Variants in SLC44A5 observed in about 807,000 individuals in gnomAD.
The protein encoded by SLC44A5 is choline transporter-like protein 5.
SLC44A5 carries 57 observed loss-of-function variants against 101.8 expected under a neutral mutation model. The ratio of observed to expected loss-of-function variants is 0.56; its 90% CI spans 0.45 to 0.70. The LOEUF (loss-of-function observed/expected upper bound fraction) is 0.70. SLC44A5 is among the 30% of genes least tolerant of loss of function. The pLI, the probability that SLC44A5 is intolerant of heterozygous loss-of-function variation, is 0.00. For synonymous variants in SLC44A5, 281 were observed against 290.9 expected (o/e 0.97, Z 0.35); for missense variants, 737 against 853.1 (o/e 0.86, Z 1.70).
intron 2 of SLC44A5, among the ~76,000 whole-genome samples, chr1:75,533,074 C>A (rs1172769422): frequency 1.3e-5 from 2 of 152,130 alleles, no homozygotes; most frequent in Admixed American, 1.3e-4. Flanking sequence ...TTCTAAGATG[C>A]CCTTCTGCCT....
intron 1 of SLC44A5, among the ~76,000 whole-genome samples, chr1:75,589,434 C>G (rs1557939176): frequency 6.6e-6 from 1 of 152,166 alleles, no homozygotes; most frequent in Non-Finnish European, 1.5e-5. Flanking sequence ...AGCTTGCAAT[C>G]AGAAATTTGT....
rs761998717 is a variant in SLC44A5 at position 75,217,945 on chromosome 1, G to A, written c.1545C>T (p.Ser515=). 4.4e-6 allele frequency: 7 copies of A among 1,599,332 alleles called. No individual in the cohort carries two copies. Among genetic ancestry groups the A allele is most frequent in the Admixed American group, 1.7e-5 (1 of 59,836 alleles). The change falls in exon 18 of 24, where the codon TCC becomes TCT. Residue 515 remains serine (S), a synonymous_variant. Coordinates refer to ENST00000370859, the MANE Select transcript of SLC44A5 (RefSeq NM_001130058.2). Reference sequence around the variant, plus strand: ...CAATAATTAAAGATCCAAATGCTAGGGATCCTGTGTGATATCTGCACAAAA... The same window carrying A: ...CAATAATTAAAGATCCAAATGCTAGAGATCCTGTGTGATATCTGCACAAAA... ...FGRAIRYHTG[S]LAFGSLIIAL...
At chr1:75,679,159 G>A in the SLC44A5 span, among the ~76,000 whole-genome samples, 1 of 152,180 alleles carries the variant, frequency 6.6e-6, no homozygotes, top group South Asian at 2.1e-4. Flanking sequence ...AAGTGATGGG[G>A]AGAACGGAAC....
intron 2 of SLC44A5, among the ~76,000 whole-genome samples, chr1:75,410,775 C>T (rs1376586060): frequency 6.6e-6 from 1 of 152,032 alleles, no homozygotes; most frequent in East Asian, 1.9e-4. Context: ...TTGTAGAAAT[C>T]GTGCTTATTA....
intron 2 of SLC44A5, among the ~76,000 whole-genome samples, chr1:75,415,398 TCTG>T (rs1663575761): frequency 6.6e-6 from 1 of 152,242 alleles, no homozygotes; most frequent in Non-Finnish European, 1.5e-5. Flanking sequence ...TTCCTTATCT[TCTG>T]CTATGATTGT....
At chr1:75,298,545 G>T (rs901015837) in intron 5 of SLC44A5, among the ~76,000 whole-genome samples, 2 of 152,106 alleles carry the variant, frequency 1.3e-5, no homozygotes, top group African/African-American at 4.8e-5. Flanking sequence ...GTCTACGGAA[G>T]AGTGGCAGTG....
chr1:75,545,374 G>A (rs1034376020), intron 1 of SLC44A5, among the ~76,000 whole-genome samples: 1 of 152,202 alleles, frequency 6.6e-6, no homozygotes, highest in African/African-American at 2.4e-5. Flanking sequence ...TATATACCCA[G>A]TAATGGGATT....
the SLC44A5 span, among the ~76,000 whole-genome samples, chr1:75,628,046 T>G: frequency 7.9e-5 from 12 of 151,744 alleles, no homozygotes; most frequent in South Asian, 2.5e-3. Flanking sequence ...AGTCTGTGCC[T>G]TGCCTTCTAA....
chr1:75,270,890 T>C (rs1223503295), intron 6 of SLC44A5, among the ~76,000 whole-genome samples: 1 of 152,154 alleles, frequency 6.6e-6, no homozygotes, highest in African/African-American at 2.4e-5. Flanking sequence ...CATAAGTGGA[T>C]CATTGGCTTA....
chr1:75,461,902 G>T lies in SLC44A5; in HGVS notation c.14-65281C>A, dbSNP rs1181538336. Among the ~76,000 whole-genome samples the T allele has an allele frequency of 2.0e-5, 3 of 152,136 alleles. No individual in the cohort carries two copies. In the East Asian group the frequency reaches 5.8e-4, roughly 29 times the overall value. ...CATCAGATGGCCTTTTAAGGTTTTT[G>T]ACTCTAGTTCCTGGCTCCCAAACAA... On this transcript the variant is annotated intron_variant, in intron 2 of 23. Coordinates refer to ENST00000370859, the MANE Select transcript of SLC44A5 (RefSeq NM_001130058.2).
At chr1:75,469,414 C>T (rs760114018) in intron 2 of SLC44A5, among the ~76,000 whole-genome samples, 13 of 151,790 alleles carry the variant, frequency 8.6e-5, no homozygotes, top group Non-Finnish European at 1.3e-4. Flanking sequence ...CTTAAGAAGA[C>T]AATAATACCA....
the SLC44A5 span, among the ~76,000 whole-genome samples, chr1:75,720,021 CCT>C: frequency 2.0e-5 from 3 of 152,108 alleles, no homozygotes; most frequent in African/African-American, 7.2e-5. Flanking sequence ...TAAGATTTCC[CCT>C]CTCTCTATTG....
At chr1:75,541,729 C>A (rs373620911) in intron 1 of SLC44A5, among the ~76,000 whole-genome samples, 1 of 152,242 alleles carries the variant, frequency 6.6e-6, no homozygotes, top group East Asian at 1.9e-4. Context: ...AAATGAAATT[C>A]TTAGTGCCAC....
the SLC44A5 span, among the ~76,000 whole-genome samples, chr1:75,690,366 CA>C: frequency 6.6e-6 from 1 of 152,080 alleles, no homozygotes; most frequent in Non-Finnish European, 1.5e-5. Context: ...AAACTGCCCC[CA>C]TGATCCACCA....
chr1:75,383,919 A>T (rs1557725388), intron 3 of SLC44A5, among the ~76,000 whole-genome samples: 1 of 152,060 alleles, frequency 6.6e-6, no homozygotes, highest in African/African-American at 2.4e-5. Flanking sequence ...CTTAAAGAAA[A>T]GAATTGTCAA....
At chr1:75,319,445 C>A (rs1655968656) in intron 4 of SLC44A5, among the ~76,000 whole-genome samples, 1 of 152,094 alleles carries the variant, frequency 6.6e-6, no homozygotes, top group Non-Finnish European at 1.5e-5. Flanking sequence ...TGTTTATTCC[C>A]AGAAGTGATA....
intron 4 of SLC44A5, among the ~76,000 whole-genome samples, chr1:75,325,615 T>C (rs1225467356): frequency 6.6e-6 from 1 of 152,150 alleles, no homozygotes; most frequent in Non-Finnish European, 1.5e-5. Flanking sequence ...TACATTGTTA[T>C]AATTGTTGTA....
At chr1:75,449,511 A>G (rs1665773132) in intron 2 of SLC44A5, among the ~76,000 whole-genome samples, 1 of 152,110 alleles carries the variant, frequency 6.6e-6, no homozygotes, top group Non-Finnish European at 1.5e-5. Context: ...TTAAGAGTGG[A>G]ACTTGGACTT....
At chr1:75,277,599 A>C (rs1652031381) in intron 5 of SLC44A5, among the ~76,000 whole-genome samples, 1 of 152,092 alleles carries the variant, frequency 6.6e-6, no homozygotes, top group Non-Finnish European at 1.5e-5. Flanking sequence ...AAGATCAGCA[A>C]AATGTTCATA....
Sources: allele counts gnomAD v4.1 joint callset (sites outside exome capture counted in the v4.1 genomes callset), GRCh38; gene constraint gnomAD v4.1.1; transcripts MANE v1.5; gene names NCBI Gene and HGNC (gene_info 2026-07-23, HGNC 2026-07-21).